Variants in ZFYVE9 observed in about 807,000 individuals in gnomAD.
ZFYVE9 encodes zinc finger FYVE-type containing 9, also known as zinc finger FYVE domain-containing protein 9.
A neutral mutation model predicts 126.7 loss-of-function variants in ZFYVE9; 43 were observed. The observed-to-expected ratio is 0.34, with a 90% CI of 0.27 to 0.44. The LOEUF (loss-of-function observed/expected upper bound fraction) is 0.44, where lower values mean the gene tolerates loss of function less well. Ranked by LOEUF, ZFYVE9 falls within the 20% of genes least tolerant of loss-of-function variation. ZFYVE9 has a pLI of 1.00. For missense variants in ZFYVE9, 1,476 were observed against 1,697.0 expected, an observed-to-expected ratio of 0.87 and a Z score of 2.29; for synonymous variants, 521 against 597.4, an observed-to-expected ratio of 0.87 and a Z score of 1.87.
At chr1:52,299,180 A>AT (rs889318355) in intron 12 of ZFYVE9, among the ~76,000 whole-genome samples, 2 of 151,664 alleles carry the variant, frequency 1.3e-5, no homozygotes, top group African/African-American at 2.4e-5. Flanking sequence ...TAGGTATCTT[A>AT]TTTTTTTTAT....
intron 1 of ZFYVE9, among the ~76,000 whole-genome samples, chr1:52,185,257 A>G (rs1163000314): frequency 6.6e-6 from 1 of 152,160 alleles, no homozygotes; most frequent in East Asian, 1.9e-4. Context: ...TTCATTAACA[A>G]AGGGTTGGAA....
Position 52,268,488 on chromosome 1 carries a change from A to C in ZFYVE9, c.2481A>C (p.Arg827=), listed in dbSNP as rs1645654956. The C allele has an allele frequency of 6.2e-7, 1 of 1,614,000 alleles. No homozygotes were observed. The highest frequency in any genetic ancestry group is 8.5e-7 in the Non-Finnish European group (1 of 1,179,974). The stretch of plus-strand genomic sequence containing the variant: ...TGGCTCAGCCCAGAGAGCAGAGGCG[A>C]GTTTGGTTTGCTGATGGGATCTTGC... ...AEVAQPREQR[R]VWFADGILPN... is the part of the protein sequence containing the mutation. Residue 827 remains arginine, a synonymous_variant, in exon 7 of 19, where the codon CGA becomes CGC. Transcript: ENST00000287727.
At chr1:52,304,994 G>A (rs189613125) in intron 13 of ZFYVE9, among the ~76,000 whole-genome samples, 18 of 152,296 alleles carry the variant, frequency 1.2e-4, no homozygotes, top group Admixed American at 5.9e-4. Flanking sequence ...AGGCTGGAGT[G>A]CAGTAATGCA....
chr1:52,273,066 G>T (rs1431959568), intron 7 of ZFYVE9, among the ~76,000 whole-genome samples: 1 of 152,050 alleles, frequency 6.6e-6, no homozygotes, highest in Admixed American at 6.5e-5. Context: ...GAGTGCAATG[G>T]TGCGATCTTA....
chr1:52,203,041 AC>A (rs1336717163), intron 1 of ZFYVE9, among the ~76,000 whole-genome samples: 3 of 152,088 alleles, frequency 2.0e-5, no homozygotes, highest in African/African-American at 7.3e-5. Context: ...TTATAGGGGT[AC>A]AGATTTTTAG....
At chr1:52,145,360 A>G (rs915370602) in intron 1 of ZFYVE9, among the ~76,000 whole-genome samples, 2 of 152,220 alleles carry the variant, frequency 1.3e-5, no homozygotes, top group Non-Finnish European at 2.9e-5. Flanking sequence ...CGTGCTAGCC[A>G]CAGACTGGTT....
At chr1:52,249,168 T>C (rs1569579175) in intron 4 of ZFYVE9, among the ~76,000 whole-genome samples, 3 of 152,330 alleles carry the variant, frequency 2.0e-5, no homozygotes, top group South Asian at 2.1e-4. Flanking sequence ...TGATTGTAAG[T>C]TTCCTGGGGC....
chr1:52,151,585 G>A (rs969639677), intron 1 of ZFYVE9, among the ~76,000 whole-genome samples: 17 of 150,440 alleles, frequency 1.1e-4, no homozygotes, highest in South Asian at 2.1e-4. Context: ...GTGTGGTCTC[G>A]GCTCACTGCA....
chr1:52,292,217 A>T (rs1322380562), intron 10 of ZFYVE9, among the ~76,000 whole-genome samples: 4 of 146,750 alleles, frequency 2.7e-5, no homozygotes, highest in Non-Finnish European at 4.5e-5. Flanking sequence ...TGGGAGGCAG[A>T]TGCTGCATTG....
intron 2 of ZFYVE9, among the ~76,000 whole-genome samples, chr1:52,228,824 A>G (rs145423048): frequency 3.9e-4 from 60 of 152,160 alleles, no homozygotes; most frequent in African/African-American, 1.4e-3. Flanking sequence ...CTTGATCCAG[A>G]ATCAAGTCAG....
chr1:52,297,975 A>T (rs905105419), intron 12 of ZFYVE9, among the ~76,000 whole-genome samples: 8 of 152,078 alleles, frequency 5.3e-5, no homozygotes, highest in Non-Finnish European at 8.8e-5. Flanking sequence ...CAGCCTCCCA[A>T]AGTGCCTTTT....
At chr1:52,148,981 T>G (rs1336231985) in intron 1 of ZFYVE9, among the ~76,000 whole-genome samples, 1 of 131,514 alleles carries the variant, frequency 7.6e-6, no homozygotes, top group Non-Finnish European at 1.6e-5. Context: ...TTTTTTTTTT[T>G]TGAGATAGAC....
At position 52,344,920 on chromosome 1, in the gene ZFYVE9, A is replaced by G; in HGVS notation, c.4092A>G (p.Leu1364=). 1 of 1,614,208 alleles carries G rather than the reference A, an allele frequency of 6.2e-7. No homozygotes were observed. Among genetic ancestry groups the G allele is most frequent in the Non-Finnish European group, 8.5e-7 (1 of 1,180,036 alleles). The change falls in exon 18 of 19, where the codon CTA becomes CTG. Residue 1364 remains leucine, a synonymous_variant. Coordinates refer to ENST00000287727, the MANE Select transcript of ZFYVE9 (RefSeq NM_004799.4). ...AAGATGGAATGACCAAACTGGGACTACGTGTGACACTTGACTCAGATCAGG... is the reference window on the plus strand; with the variant it reads ...AAGATGGAATGACCAAACTGGGACTGCGTGTGACACTTGACTCAGATCAGG... ...LKEDGMTKLG[L]RVTLDSDQVG...
rs1394602864 is a variant in ZFYVE9 at position 52,281,804 on chromosome 1, G to A, written c.3013G>A (p.Asp1005Asn). The A allele has an allele frequency of 2.5e-6, 4 of 1,614,012 alleles. No individual in the cohort carries two copies. The highest frequency in any genetic ancestry group is 3.4e-6 in the Non-Finnish European group (4 of 1,180,014). ...IFNHFVQLYR[D>N]ALAGNVVSNL... is the part of the protein sequence containing the mutation. Reference sequence around the variant, plus strand: ...TAATCACTTTGTGCAGCTTTATCGGGATGCTCTGGCAGGTAGGAATGCTTT... The same window carrying A: ...TAATCACTTTGTGCAGCTTTATCGGAATGCTCTGGCAGGTAGGAATGCTTT... The change falls in exon 10 of 19, where the codon GAT becomes AAT. Residue 1005 changes from aspartate to asparagine, a missense_variant. Asp to Asn is a conservative substitution (Grantham distance 23, BLOSUM62 1). Coordinates refer to ENST00000287727, the MANE Select transcript of ZFYVE9 (RefSeq NM_004799.4).
rs77481150 is a variant in ZFYVE9, at chr1:52,273,426, T to G, written c.2626-1038T>G. On this transcript the variant is annotated intron_variant, in intron 7 of 18. Transcript: ENST00000287727. ...GAGGAGAGCATCATTTTAATAAACA[T>G]TTGAGCATGTTCTATTTAATAATTA... is the stretch of plus-strand genomic sequence containing the variant. Among the ~76,000 whole-genome samples, 21 of 152,328 alleles carry G rather than the reference T, an allele frequency of 1.4e-4. 1 individual carries two copies. In the East Asian group the frequency reaches 4.0e-3, roughly 29 times the overall value.
chr1:52,336,665 A>G (rs1646392661), intron 15 of ZFYVE9, among the ~76,000 whole-genome samples: 1 of 148,074 alleles, frequency 6.8e-6, no homozygotes, highest in Non-Finnish European at 1.5e-5. Context: ...AGCTTAATTA[A>G]TCTAGGAGTT....
At chr1:52,266,258 T>G (rs1012694698) in intron 5 of ZFYVE9, among the ~76,000 whole-genome samples, 7 of 151,662 alleles carry the variant, frequency 4.6e-5, no homozygotes, top group African/African-American at 1.7e-4. Flanking sequence ...CCACCACACC[T>G]GGCTAATTTT....
In ZFYVE9 at chr1:52,150,651, C is replaced by T. The variant is rs576683630; in HGVS notation, c.-143+8248C>T. On this transcript the variant is annotated intron_variant, in intron 1 of 18. Transcript: ENST00000287727. ...GCGTGGCGTTGGGCCCCTGTAATCT[C>T]AGTTACTCAGGAGGCTGAGGCAGGA... Among the ~76,000 whole-genome samples the T allele has an allele frequency of 2.0e-5, 3 of 151,620 alleles. 1 individual carries two copies. The East Asian group carries it at 5.9e-4, about 30-fold the overall frequency.
At chr1:52,202,456 T>A (rs1161277677) in intron 1 of ZFYVE9, among the ~76,000 whole-genome samples, 1 of 151,870 alleles carries the variant, frequency 6.6e-6, no homozygotes, top group Admixed American at 6.6e-5. Flanking sequence ...AATTTTTGTA[T>A]TTTTAGTAGA....
Sources: allele counts gnomAD v4.1 joint callset (sites outside exome capture counted in the v4.1 genomes callset), GRCh38; gene constraint gnomAD v4.1.1; transcripts MANE v1.5; gene names NCBI Gene and HGNC (gene_info 2026-07-23, HGNC 2026-07-21).